Variants in POC1B observed in about 807,000 individuals in gnomAD.
POC1B encodes POC1 centriolar protein homolog B.
POC1B carries 44 observed loss-of-function variants against 60.6 expected under a neutral mutation model. The ratio of observed to expected loss-of-function variants is 0.73; its 90% CI spans 0.57 to 0.93. The LOEUF (loss-of-function observed/expected upper bound fraction) is 0.93. Among genes scored for constraint, POC1B ranks in the 40% least tolerant of loss-of-function variants. POC1B has a pLI of 0.00. For missense variants in POC1B, 555 were observed against 572.3 expected (o/e 0.97, Z 0.31); for synonymous variants, 180 against 198.9 (o/e 0.90, Z 0.80).
Position 89,459,627 on chromosome 12 carries a change from A to AC in POC1B, c.1113+10dup, listed in dbSNP as rs770959072. On this transcript the variant is annotated intron_variant, in intron 10 of 11. Transcript: ENST00000313546. ...TTAAGTGTCAAAAAAAAAAAAAAAAACCCGACTTACTGTGGTAGAATCAAA... is the reference window on the plus strand; with the variant it reads ...TTAAGTGTCAAAAAAAAAAAAAAAAACCCCGACTTACTGTGGTAGAATCAAA... The AC allele has an allele frequency of 7.2e-6, 10 of 1,384,920 alleles. No homozygotes were observed. Among genetic ancestry groups the AC allele is most frequent in the East Asian group, 4.9e-5 (2 of 40,968 alleles). 85.8% of individuals were successfully genotyped at this position (1,384,920 alleles called of 1,614,324 possible). A position where few individuals can be genotyped will look rare whatever the true frequency, so the allele number is the denominator to read the frequency against.
At chr12:89,501,115 A>G (rs878948114) in intron 2 of POC1B, 2 of 1,287,676 alleles carry the variant, frequency 1.6e-6, no homozygotes, top group East Asian at 2.3e-5. Flanking sequence ...GGCTGAGAGC[A>G]CTGCACTCCT....
At chr12:89,456,263 C>T (rs1249242482) in intron 10 of POC1B, among the ~76,000 whole-genome samples, 1 of 152,148 alleles carries the variant, frequency 6.6e-6, no homozygotes, top group Admixed American at 6.6e-5. Flanking sequence ...TCAGGTGATC[C>T]ACCCGCCTTG....
chr12:89,431,370 G>T (rs965914334), intron 10 of POC1B, among the ~76,000 whole-genome samples: 1 of 151,968 alleles, frequency 6.6e-6, no homozygotes, highest in South Asian at 2.1e-4. Context: ...ATCAAATCAG[G>T]AAATTCAATT....
chr12:89,524,204 T>C, intron 2 of POC1B: 2 of 1,614,024 alleles, frequency 1.2e-6, no homozygotes, highest in Non-Finnish European at 1.7e-6. Flanking sequence ...TTATCCTCTA[T>C]GTGTCGATGC....
intron 2 of POC1B, chr12:89,524,385 A>G (rs1871223517): frequency 6.2e-7 from 1 of 1,613,834 alleles, no homozygotes; most frequent in South Asian, 1.1e-5. Flanking sequence ...AATCCTCCGT[A>G]TTTTTCTGGA....
At chr12:89,501,095 C>A (rs779027230) in intron 2 of POC1B, 13 of 1,215,596 alleles carry the variant, frequency 1.1e-5, no homozygotes, top group Admixed American at 1.7e-5. Flanking sequence ...AAACAACGCA[C>A]CATATCCCCG....
At chr12:89,421,340 T>C in intron 11 of POC1B, 83 bp from the exon 12 acceptor site, 1 of 1,169,306 alleles carries the variant, frequency 8.6e-7, no homozygotes, top group Middle Eastern at 2.0e-4. Flanking sequence ...AGGAAATCCT[T>C]TTAAGAACTG....
intron 2 of POC1B, chr12:89,522,707 G>T: frequency 7.0e-7 from 1 of 1,429,566 alleles, no homozygotes; most frequent in African/African-American, 1.4e-5. Flanking sequence ...ACAGATGACT[G>T]CTAGGTGGCT....
rs562079374 is a variant in POC1B at position 89,518,965 on chromosome 12, G to A, written c.100+6155C>T. Among the ~76,000 whole-genome samples, 15 of 152,306 alleles carry A rather than the reference G, an allele frequency of 9.8e-5. No homozygotes were observed. In the East Asian group the frequency reaches 2.5e-3, roughly 25 times the overall value. On this transcript the variant is annotated intron_variant, in intron 2 of 11. Coordinates refer to ENST00000313546, the MANE Select transcript of POC1B (RefSeq NM_172240.3). ...CTCAGGCAGTGTGTCTGGCCAAGGAGAGACAGGGGTATAGGGATTTAGGAA... is the reference window on the plus strand; with the variant it reads ...CTCAGGCAGTGTGTCTGGCCAAGGAAAGACAGGGGTATAGGGATTTAGGAA...
chr12:89,501,325 G>C, intron 2 of POC1B: 1 of 1,005,554 alleles, frequency 9.9e-7, no homozygotes, highest in South Asian at 1.3e-5. Context: ...CAAGAATGCA[G>C]AAAAATCATC....
intron 2 of POC1B, among the ~76,000 whole-genome samples, chr12:89,518,501 A>C (rs1317755538): frequency 6.6e-6 from 1 of 152,096 alleles, no homozygotes; most frequent in Non-Finnish European, 1.5e-5. Flanking sequence ...TTTTTTCCTG[A>C]GGTATTTTTA....
intron 10 of POC1B, among the ~76,000 whole-genome samples, chr12:89,457,779 C>T (rs866198717): frequency 1.3e-5 from 2 of 152,118 alleles, no homozygotes; most frequent in Non-Finnish European, 2.9e-5. Context: ...AATAATTTTA[C>T]TCTTCCATTT....
intron 10 of POC1B, among the ~76,000 whole-genome samples, chr12:89,444,526 G>T (rs1055728856): frequency 2.0e-5 from 3 of 152,182 alleles, no homozygotes; most frequent in African/African-American, 7.2e-5. Flanking sequence ...CTCAATAGAT[G>T]CAGAAAAGGC....
chr12:89,411,771 G>A, the POC1B span, among the ~76,000 whole-genome samples: 47 of 152,272 alleles, frequency 3.1e-4, no homozygotes, highest in Non-Finnish European at 4.9e-4. Context: ...TGCTGAAAGC[G>A]GTGAAGAAGG....
chr12:89,440,568 T>C (rs1315024427), intron 10 of POC1B, among the ~76,000 whole-genome samples: 1 of 152,188 alleles, frequency 6.6e-6, no homozygotes, highest in Non-Finnish European at 1.5e-5. Context: ...AATTCATTTC[T>C]CCTTACACTT....
At chr12:89,514,354 A>G (rs1301749971) in intron 2 of POC1B, among the ~76,000 whole-genome samples, 3 of 146,494 alleles carry the variant, frequency 2.0e-5, no homozygotes, top group Admixed American at 6.8e-5. Context: ...TGGAACTGTG[A>G]GCCAATCAAA....
At chr12:89,410,628 C>A in the POC1B span, among the ~76,000 whole-genome samples, 1 of 149,406 alleles carries the variant, frequency 6.7e-6, no homozygotes, top group Admixed American at 6.8e-5. Flanking sequence ...TGCAGTGAGC[C>A]GAGATCCGCC....
At chr12:89,514,631 C>T (rs1015231643) in intron 2 of POC1B, among the ~76,000 whole-genome samples, 2 of 152,022 alleles carry the variant, frequency 1.3e-5, no homozygotes, top group Non-Finnish European at 2.9e-5. Context: ...TAGTCTCAAA[C>T]TCCTGACTTC....
chr12:89,502,838 A>G (rs775237123), intron 2 of POC1B, among the ~76,000 whole-genome samples: 10 of 152,172 alleles, frequency 6.6e-5, no homozygotes, highest in East Asian at 1.9e-4. Flanking sequence ...ACCTTATATA[A>G]TAAGTACTGG....
Sources: allele counts gnomAD v4.1 joint callset (sites outside exome capture counted in the v4.1 genomes callset), GRCh38; gene constraint gnomAD v4.1.1; transcripts MANE v1.5; gene names NCBI Gene and HGNC (gene_info 2026-07-23, HGNC 2026-07-21).